Variants in PRKAR2A observed in about 807,000 individuals in gnomAD.
The protein encoded by PRKAR2A is protein kinase cAMP-dependent type II regulatory subunit alpha, also known as cAMP-dependent protein kinase type II-alpha regulatory subunit.
A neutral mutation model predicts 51.9 loss-of-function variants in PRKAR2A; 29 were observed. The ratio of observed to expected loss-of-function variants is 0.56; its 90% CI spans 0.42 to 0.76. PRKAR2A has a LOEUF of 0.76. Among genes scored for constraint, PRKAR2A ranks in the 30% least tolerant of loss-of-function variants. PRKAR2A has a pLI of 0.00. For synonymous variants in PRKAR2A, 178 were observed against 186.2 expected (o/e 0.96, Z 0.36); for missense variants, 445 against 512.1 (o/e 0.87, Z 1.26).
At chr3:48,799,791 T>C (rs1054116789) in intron 2 of PRKAR2A, among the ~76,000 whole-genome samples, 4 of 152,232 alleles carry the variant, frequency 2.6e-5, no homozygotes, top group Admixed American at 2.6e-4. Context: ...CATTTCTGAT[T>C]AATGTGCTTT....
At chr3:48,767,487 CA>C (rs1465997728) in intron 6 of PRKAR2A, among the ~76,000 whole-genome samples, 1 of 149,986 alleles carries the variant, frequency 6.7e-6, no homozygotes, top group African/African-American at 2.5e-5. Context: ...TCGAAAAAAA[CA>C]AAAACAAAAC....
At chr3:48,812,261 T>G (rs2082785439) in intron 1 of PRKAR2A, among the ~76,000 whole-genome samples, 1 of 152,162 alleles carries the variant, frequency 6.6e-6, no homozygotes, top group African/African-American at 2.4e-5. Flanking sequence ...TTTCATTCAT[T>G]TAGTAAATAT....
chr3:48,753,795 A>G (rs1162574980), intron 9 of PRKAR2A, among the ~76,000 whole-genome samples: 1 of 152,170 alleles, frequency 6.6e-6, no homozygotes, highest in Non-Finnish European at 1.5e-5. Flanking sequence ...ACCTAACACT[A>G]TGCTGTGATC....
At position 48,752,169 on chromosome 3, in the gene PRKAR2A, T is replaced by C. The variant is rs1372066074; in HGVS notation, c.1081+7A>G. 1 of 1,605,350 alleles carries C rather than the reference T, an allele frequency of 6.2e-7. No homozygotes were observed. On this transcript the variant is annotated splice_region_variant and intron_variant, in intron 10 of 10. Coordinates refer to ENST00000265563, the MANE Select transcript of PRKAR2A (RefSeq NM_004157.4). The stretch of plus-strand genomic sequence containing the variant: ...AAGAATATTAATGCATAAAGAACTT[T>C]TCTTACCTAAGCATTTGACATCTCC...
At chr3:48,841,962 A>C (rs2083387926) in intron 1 of PRKAR2A, among the ~76,000 whole-genome samples, 1 of 152,206 alleles carries the variant, frequency 6.6e-6, no homozygotes, top group Non-Finnish European at 1.5e-5. Flanking sequence ...GAATGACGAT[A>C]TAATACAAAA....
Position 48,754,730 on chromosome 3 carries a change from G to A in PRKAR2A, c.939+1649C>T, listed in dbSNP as rs923209091. On this transcript the variant is annotated intron_variant, in intron 9 of 10. Transcript: ENST00000265563. ...GGAGGTTGCAGTAAGCTGAGATCAC[G>A]CCACTGCACTCCAGCCTGGGCAACA... Among the ~76,000 whole-genome samples, 18 of 151,458 alleles carry A rather than the reference G, an allele frequency of 1.2e-4. 1 individual carries two copies. The highest frequency in any genetic ancestry group is 4.1e-4 in the African/African-American group (17 of 41,288).
At chr3:48,820,813 G>A (rs2082948348) in intron 1 of PRKAR2A, among the ~76,000 whole-genome samples, 1 of 152,168 alleles carries the variant, frequency 6.6e-6, no homozygotes, top group African/African-American at 2.4e-5. Context: ...GAAGGCATAT[G>A]CAAAGGAAAA....
chr3:48,773,708 C>A (rs2107260504), intron 5 of PRKAR2A, among the ~76,000 whole-genome samples: 1 of 151,548 alleles, frequency 6.6e-6, no homozygotes, highest in African/African-American at 2.4e-5. Context: ...TCTATATGCC[C>A]CTTCCTTTTT....
chr3:48,822,151 C>A (rs1334932079), intron 1 of PRKAR2A, among the ~76,000 whole-genome samples: 1 of 141,626 alleles, frequency 7.1e-6, no homozygotes, highest in Non-Finnish European at 1.5e-5. Flanking sequence ...GCAGAGGTTG[C>A]AGTGAGCCAA....
chr3:48,794,295 G>A lies in PRKAR2A; in HGVS notation c.299-246C>T, dbSNP rs532046709. ...GCCTCCCAGGTAGCTGGGATTACAG[G>A]CATGCACCACCATGCCTGGCTAATT... is the stretch of plus-strand genomic sequence containing the variant. On this transcript the variant is annotated intron_variant, in intron 2 of 10. Coordinates refer to ENST00000265563, the MANE Select transcript of PRKAR2A (RefSeq NM_004157.4). Among the ~76,000 whole-genome samples the A allele has an allele frequency of 6.6e-5, 10 of 151,734 alleles. No homozygotes were observed. The South Asian group carries it at 2.1e-3, about 32-fold the overall frequency.
At position 48,807,689 on chromosome 3, in the gene PRKAR2A, A is replaced by C; in HGVS notation, c.263-5T>G. 5.0e-6 allele frequency: 8 copies of C among 1,604,838 alleles called. No individual in the cohort carries two copies. The highest frequency in any genetic ancestry group is 6.8e-6 in the Non-Finnish European group (8 of 1,172,280). ...TAAATCTGCTAGGAACTGGAACTGC[A>C]AAATAAAGAAGCAACATTTAGTCAT... On this transcript the variant is annotated splice_polypyrimidine_tract_variant and splice_region_variant and intron_variant, in intron 1 of 10. Coordinates refer to ENST00000265563, the MANE Select transcript of PRKAR2A (RefSeq NM_004157.4).
At chr3:48,755,521 C>G (rs951392143) in intron 9 of PRKAR2A, among the ~76,000 whole-genome samples, 1 of 152,010 alleles carries the variant, frequency 6.6e-6, no homozygotes, top group African/African-American at 2.4e-5. Flanking sequence ...TCCTAGAGAC[C>G]TCTTCTAACA....
At chr3:48,815,568 C>T (rs1266073574) in intron 1 of PRKAR2A, among the ~76,000 whole-genome samples, 10 of 151,474 alleles carry the variant, frequency 6.6e-5, no homozygotes, top group Non-Finnish European at 1.2e-4. Context: ...TGGTGGCGGG[C>T]GCCTGTCCCA....
In PRKAR2A at chr3:48,773,073, T is replaced by C; in HGVS notation, c.578A>G (p.Gln193Arg). 1 of 1,611,256 alleles carries C rather than the reference T, an allele frequency of 6.2e-7. No individual in the cohort carries two copies. The highest frequency in any genetic ancestry group is 2.2e-5 in the East Asian group (1 of 44,788). The change falls in exon 6 of 11, where the codon CAA (glutamine) becomes CGA (arginine). Residue 193 changes from glutamine to arginine, a missense_variant. Transcript: ENST00000265563. ...GTCATATTGACCAACAGAGCGGGTT[T>C]GATTATCTTTTGTTACTAAAATGTC... ...TYDILVTKDNQTRSVGQYDNR... is the reference protein window; with the variant it reads ...TYDILVTKDNRTRSVGQYDNR...
At chr3:48,773,788 A>G (rs932702444) in intron 5 of PRKAR2A, among the ~76,000 whole-genome samples, 24 of 151,728 alleles carry the variant, frequency 1.6e-4, no homozygotes, top group African/African-American at 5.8e-4. Context: ...ACATAAATAT[A>G]TATATACACA....
At chr3:48,816,282 T>C (rs1329161885) in intron 1 of PRKAR2A, among the ~76,000 whole-genome samples, 3 of 152,110 alleles carry the variant, frequency 2.0e-5, no homozygotes, top group East Asian at 1.9e-4. Context: ...AACTGGTTCA[T>C]TGTCTGTCTA....
At chr3:48,800,818 G>T (rs1239455199) in intron 2 of PRKAR2A, among the ~76,000 whole-genome samples, 1 of 150,904 alleles carries the variant, frequency 6.6e-6, no homozygotes, top group African/African-American at 2.4e-5. Flanking sequence ...GACTACAGGC[G>T]CCCGCCACCA....
intron 1 of PRKAR2A, among the ~76,000 whole-genome samples, chr3:48,808,985 T>C (rs1342475484): frequency 6.8e-6 from 1 of 147,688 alleles, no homozygotes; most frequent in Non-Finnish European, 1.5e-5. Context: ...TTTGCCACAT[T>C]GGCCAGACTG....
In PRKAR2A at chr3:48,765,344, C is replaced by G. The variant is rs1376048692; in HGVS notation, c.702G>C (p.Arg234=). The change falls in exon 7 of 11, where the codon CGG becomes CGC. Residue 234 remains arginine, a synonymous_variant. Coordinates refer to ENST00000265563, the MANE Select transcript of PRKAR2A (RefSeq NM_004157.4). ...TSEGSLWGLD[R]VTFRRIIVKN... ...TCACTATGATTCTTCTAAAAGTCAC[C>G]CGGTCCTACAAGAAAGAATATGAAA... is the stretch of plus-strand genomic sequence containing the variant. 6.9e-6 allele frequency: 11 copies of G among 1,599,484 alleles called. No homozygotes were observed. The highest frequency in any genetic ancestry group is 9.4e-6 in the Non-Finnish European group (11 of 1,172,614).
Sources: allele counts gnomAD v4.1 joint callset (sites outside exome capture counted in the v4.1 genomes callset), GRCh38; gene constraint gnomAD v4.1.1; transcripts MANE v1.5; gene names NCBI Gene and HGNC (gene_info 2026-07-23, HGNC 2026-07-21).